Variants in LPIN1 observed in about 807,000 individuals in gnomAD.
LPIN1 encodes lipin 1.
A neutral mutation model predicts 107.5 loss-of-function variants in LPIN1; 71 were observed. The observed-to-expected ratio is 0.66, with a 90% confidence interval of 0.55 to 0.80. LPIN1 has a LOEUF of 0.80. Among genes scored for constraint, LPIN1 ranks in the 30% least tolerant of loss-of-function variants. LPIN1 has a pLI of 0.00. For synonymous variants in LPIN1, 445 were observed against 452.6 expected (o/e 0.98, Z 0.21); for missense variants, 1,043 against 1,160.6 (o/e 0.90, Z 1.47).
chr2:11,800,714 A>G (rs1003167831), intron 14 of LPIN1, among the ~76,000 whole-genome samples: 1 of 152,230 alleles, frequency 6.6e-6, no homozygotes, highest in Non-Finnish European at 1.5e-5. Flanking sequence ...AACAGGAGGC[A>G]GTAAGGCGAG....
intron 1 of LPIN1, among the ~76,000 whole-genome samples, chr2:11,758,261 GT>G (rs372273564): frequency 6.1e-5 from 9 of 147,232 alleles, no homozygotes; most frequent in Non-Finnish European, 4.5e-5. Flanking sequence ...CCTGCTTTCA[GT>G]TTTTTTTTTT....
At chr2:11,820,840 C>A (rs1013900014) in intron 20 of LPIN1, among the ~76,000 whole-genome samples, 1 of 152,162 alleles carries the variant, frequency 6.6e-6, no homozygotes, top group African/African-American at 2.4e-5. Flanking sequence ...AGAAATATAA[C>A]CAAACTGAAA....
chr2:11,726,691 A>T (rs1309396620), intron 1 of LPIN1, among the ~76,000 whole-genome samples: 3 of 152,122 alleles, frequency 2.0e-5, no homozygotes, highest in African/African-American at 4.8e-5. Flanking sequence ...TTATTTTTTT[A>T]AAATAAGCCA....
At chr2:11,695,614 C>T (rs1441738890) in intron 1 of LPIN1, among the ~76,000 whole-genome samples, 1 of 152,156 alleles carries the variant, frequency 6.6e-6, no homozygotes, top group Non-Finnish European at 1.5e-5. Context: ...GGGGATCTCC[C>T]TATTACGCCA....
At position 11,824,843 on chromosome 2, in the gene LPIN1, T is replaced by G; in HGVS notation, c.*52T>G. The G allele has an allele frequency of 6.2e-7, 1 of 1,607,094 alleles. No individual in the cohort carries two copies. Among genetic ancestry groups the G allele is most frequent in the Non-Finnish European group, 8.5e-7 (1 of 1,174,538 alleles). On this transcript the variant is annotated 3_prime_UTR_variant, in exon 21 of 21. Coordinates refer to ENST00000674199, the MANE Select transcript of LPIN1 (RefSeq NM_001349206.2). ...AGTGCAGAGCCTGGTTGTCACCCATTAAAGGATAGGTCTCCCCGGAGTGCA... is the reference window on the plus strand; with the variant it reads ...AGTGCAGAGCCTGGTTGTCACCCATGAAAGGATAGGTCTCCCCGGAGTGCA...
intron 1 of LPIN1, among the ~76,000 whole-genome samples, chr2:11,731,076 A>G (rs987402920): frequency 6.6e-6 from 1 of 152,188 alleles, no homozygotes; most frequent in Non-Finnish European, 1.5e-5. Context: ...ATTTAAAAAA[A>G]TTATTTTAAG....
chr2:11,703,390 G>T (rs142197257), intron 1 of LPIN1, among the ~76,000 whole-genome samples: 1 of 152,102 alleles, frequency 6.6e-6, no homozygotes, highest in Non-Finnish European at 1.5e-5. Context: ...GGAGCCTGAC[G>T]CAACTGCTCT....
chr2:11,740,158 G>C (rs1436385467), intron 1 of LPIN1, among the ~76,000 whole-genome samples: 1 of 152,146 alleles, frequency 6.6e-6, no homozygotes, highest in Non-Finnish European at 1.5e-5. Flanking sequence ...GGGAGAAGGA[G>C]GGTGTCCCAG....
At chr2:11,727,162 A>G (rs1408601245) in intron 1 of LPIN1, among the ~76,000 whole-genome samples, 1 of 152,058 alleles carries the variant, frequency 6.6e-6, no homozygotes, top group African/African-American at 2.4e-5. Context: ...CCCTTAGTGG[A>G]TCCTGCTGCA....
intron 1 of LPIN1, among the ~76,000 whole-genome samples, chr2:11,684,040 C>A (rs1364085200): frequency 1.3e-5 from 2 of 152,324 alleles, no homozygotes; most frequent in East Asian, 3.9e-4. Context: ...GAAGAAGCTG[C>A]CAGGCAAAGT....
At chr2:11,760,942 A>T (rs1669728141) in intron 1 of LPIN1, among the ~76,000 whole-genome samples, 1 of 152,112 alleles carries the variant, frequency 6.6e-6, no homozygotes, top group South Asian at 2.1e-4. Context: ...ACCGAAAGAG[A>T]GGTCACTTCA....
intron 13 of LPIN1, 63 bp from the exon 14 acceptor site, chr2:11,795,345 C>G (rs1212509212): frequency 7.3e-7 from 1 of 1,378,522 alleles, no homozygotes; most frequent in Admixed American, 1.7e-5. Flanking sequence ...TGGGAAAACA[C>G]CGGCTGTCTG....
chr2:11,757,162 T>C (rs1572605981), intron 1 of LPIN1, among the ~76,000 whole-genome samples: 1 of 152,232 alleles, frequency 6.6e-6, no homozygotes, highest in East Asian at 1.9e-4. Context: ...TTGAAAGGAA[T>C]TTGGTATGGG....
intron 18 of LPIN1, chr2:11,817,334 G>A (rs1680744871): frequency 6.6e-6 from 1 of 152,214 alleles, no homozygotes; most frequent in Non-Finnish European, 1.5e-5. Context: ...TGATCACTTA[G>A]CCTTTGTCAG....
At position 11,803,908 on chromosome 2, in the gene LPIN1, G is replaced by T. The variant is rs928985317; in HGVS notation, c.2014-515G>T. Among the ~76,000 whole-genome samples the T allele has an allele frequency of 2.0e-5, 3 of 152,146 alleles. No homozygotes were observed. Among genetic ancestry groups the T allele is most frequent in the Non-Finnish European group, 2.9e-5 (2 of 68,034 alleles). On this transcript the variant is annotated intron_variant, in intron 15 of 20. Transcript: ENST00000674199. The surrounding 1 kb of genome is among the most constrained non-coding windows in gnomAD (Gnocchi z 4.2). ...TAGACTATATTCTTCTGGATATGAGGCATGACTGATAACCAAGACTTCTCT... is the reference window on the plus strand; with the variant it reads ...TAGACTATATTCTTCTGGATATGAGTCATGACTGATAACCAAGACTTCTCT...
At chr2:11,735,416 A>C (rs1303792280) in intron 1 of LPIN1, among the ~76,000 whole-genome samples, 1 of 152,066 alleles carries the variant, frequency 6.6e-6, no homozygotes, top group Non-Finnish European at 1.5e-5. Flanking sequence ...GTTATGCTTT[A>C]GGTTAAAGGA....
chr2:11,716,218 G>T (rs1051707716), intron 2 of LPIN1, among the ~76,000 whole-genome samples: 1 of 152,094 alleles, frequency 6.6e-6, no homozygotes, highest in Non-Finnish European at 1.5e-5. Context: ...AGGTGGCTGG[G>T]GCATCAGGCA....
At position 11,773,683 on chromosome 2, in the gene LPIN1, T is replaced by C; in HGVS notation, c.660T>C (p.Ala220=). The change falls in exon 5 of 21, where the codon GCT becomes GCC. Residue 220 remains alanine, a synonymous_variant. Coordinates refer to ENST00000674199, the MANE Select transcript of LPIN1 (RefSeq NM_001349206.2). ...TTCCTGAGGAAAACCTCTCCCTGGCTGTGATTTACCCTCAGTCAGCCTCAT... is the reference window on the plus strand; with the variant it reads ...TTCCTGAGGAAAACCTCTCCCTGGCCGTGATTTACCCTCAGTCAGCCTCAT... ...DDIPEENLSL[A]VIYPQSASYP... is the part of the protein sequence containing the mutation. The C allele has an allele frequency of 6.2e-7, 1 of 1,613,550 alleles. No individual in the cohort carries two copies. The highest frequency in any genetic ancestry group is 8.5e-7 in the Non-Finnish European group (1 of 1,179,446).
At chr2:11,822,262 C>T (rs532472865) in intron 20 of LPIN1, among the ~76,000 whole-genome samples, 9 of 133,164 alleles carry the variant, frequency 6.8e-5, no homozygotes, top group Non-Finnish European at 1.4e-4. Context: ...GAAACCCTGT[C>T]TCTACTAGAA....
Sources: allele counts gnomAD v4.1 joint callset (sites outside exome capture counted in the v4.1 genomes callset), GRCh38; gene constraint gnomAD v4.1.1; non-coding constraint Gnocchi (gnomAD v3.1); transcripts MANE v1.5; gene names NCBI Gene and HGNC (gene_info 2026-07-23, HGNC 2026-07-21).